Variants in PSD3 observed in about 807,000 individuals in gnomAD.
PSD3 encodes the protein PH and SEC7 domain-containing protein 3.
Under a neutral mutation model 105.5 loss-of-function variants are expected in PSD3, and 49 were observed. That is an observed-to-expected ratio of 0.46 (90% CI 0.37 to 0.59). PSD3 has a LOEUF of 0.59. Among genes scored for constraint, PSD3 ranks in the 20% least tolerant of loss-of-function variants. The pLI, the probability that PSD3 is intolerant of heterozygous loss-of-function variation, is 0.00. For synonymous variants in PSD3, 557 were observed against 457.8 expected, an observed-to-expected ratio of 1.22 and a Z score of -2.77; for missense variants, 1,561 against 1,263.8, an observed-to-expected ratio of 1.24 and a Z score of -3.57.
At chr8:18,986,484 C>G (rs1825500959) in intron 1 of PSD3, among the ~76,000 whole-genome samples, 1 of 151,294 alleles carries the variant, frequency 6.6e-6, no homozygotes, top group African/African-American at 2.4e-5. Flanking sequence ...TCAGTAAGGT[C>G]TCTCTGGCTT....
chr8:18,802,536 T>C (rs1810791859), intron 6 of PSD3, among the ~76,000 whole-genome samples: 1 of 152,202 alleles, frequency 6.6e-6, no homozygotes, highest in African/African-American at 2.4e-5. Flanking sequence ...TTTAATAAAC[T>C]ACATCAGAAT....
chr8:18,566,136 A>G (rs1191783475), intron 14 of PSD3, among the ~76,000 whole-genome samples: 3 of 152,138 alleles, frequency 2.0e-5, no homozygotes, highest in Non-Finnish European at 2.9e-5. Flanking sequence ...CTCCAAATAC[A>G]TGCTTAATTT....
chr8:18,656,422 C>G (rs1391920029), intron 9 of PSD3, among the ~76,000 whole-genome samples: 1 of 151,138 alleles, frequency 6.6e-6, no homozygotes, highest in Admixed American at 6.6e-5. Flanking sequence ...GAGTAAGATA[C>G]TTGGTAGGGG....
intron 1 of PSD3, among the ~76,000 whole-genome samples, chr8:19,027,571 A>C (rs1024518972): frequency 6.6e-6 from 1 of 152,216 alleles, no homozygotes; most frequent in African/African-American, 2.4e-5. Flanking sequence ...TGCTCCCTGC[A>C]AAGTTCCACG....
At chr8:18,753,199 A>C (rs913572468) in intron 9 of PSD3, among the ~76,000 whole-genome samples, 2 of 152,018 alleles carry the variant, frequency 1.3e-5, no homozygotes, top group Admixed American at 1.3e-4. Flanking sequence ...TACTAAACAT[A>C]CAAAAATTAG....
chr8:18,968,361 T>C (rs1464188981), intron 1 of PSD3, among the ~76,000 whole-genome samples: 1 of 152,230 alleles, frequency 6.6e-6, no homozygotes, highest in African/African-American at 2.4e-5. Flanking sequence ...AAGCAGAATG[T>C]GTATATCTAA....
At chr8:18,737,689 C>T (rs1046312985) in intron 9 of PSD3, among the ~76,000 whole-genome samples, 19 of 152,094 alleles carry the variant, frequency 1.2e-4, no homozygotes, top group Admixed American at 3.3e-4. Context: ...ATATCAGTTT[C>T]GGAGGGGAAA....
chr8:18,958,788 G>A (rs1490642406), intron 1 of PSD3, among the ~76,000 whole-genome samples: 1 of 152,054 alleles, frequency 6.6e-6, no homozygotes, highest in Non-Finnish European at 1.5e-5. Context: ...AGCAAACTAG[G>A]TATACAAAGA....
At chr8:18,634,467 C>T (rs879510209) in intron 10 of PSD3, among the ~76,000 whole-genome samples, 6 of 152,066 alleles carry the variant, frequency 3.9e-5, no homozygotes, top group South Asian at 2.1e-4. Context: ...AAAAAATTAA[C>T]GTAAGTTTAA....
intron 12 of PSD3, among the ~76,000 whole-genome samples, chr8:18,587,824 G>A (rs1239080333): frequency 1.3e-5 from 2 of 152,158 alleles, no homozygotes; most frequent in African/African-American, 2.4e-5. Context: ...CACAGTACCT[G>A]ATGTGATAAA....
chr8:18,893,303 G>A (rs574612002), intron 2 of PSD3, among the ~76,000 whole-genome samples: 1 of 152,102 alleles, frequency 6.6e-6, no homozygotes, highest in Non-Finnish European at 1.5e-5. Context: ...TACCTCCAAA[G>A]AAAAAGCAAG....
At chr8:18,676,364 G>A (rs113098481) in intron 9 of PSD3, among the ~76,000 whole-genome samples, 74 of 152,292 alleles carry the variant, frequency 4.9e-4, no homozygotes, top group African/African-American at 1.7e-3. Flanking sequence ...GGAGTGGGAC[G>A]CGGCTTCTCC....
At chr8:19,034,742 A>G (rs1827886841) in intron 1 of PSD3, among the ~76,000 whole-genome samples, 1 of 152,134 alleles carries the variant, frequency 6.6e-6, no homozygotes, top group Non-Finnish European at 1.5e-5. Context: ...AGGCCTTCAC[A>G]TCACGCTGAA....
intron 1 of PSD3, among the ~76,000 whole-genome samples, chr8:18,972,759 T>G (rs1824725842): frequency 1.3e-5 from 2 of 152,142 alleles, no homozygotes. Flanking sequence ...TCACCAAGGA[T>G]TCTAATCTCA....
At chr8:18,737,349 C>G (rs555199395) in intron 9 of PSD3, among the ~76,000 whole-genome samples, 3 of 152,118 alleles carry the variant, frequency 2.0e-5, no homozygotes, top group Non-Finnish European at 4.4e-5. Flanking sequence ...GTGCGTGTGA[C>G]GGGGTCTTAC....
intron 9 of PSD3, among the ~76,000 whole-genome samples, chr8:18,698,451 C>T (rs2131025155): frequency 6.6e-6 from 1 of 152,020 alleles, no homozygotes; most frequent in South Asian, 2.1e-4. Context: ...GTTGGAGGTT[C>T]AGAGTCAGAG....
intron 12 of PSD3, among the ~76,000 whole-genome samples, chr8:18,583,842 G>A (rs1237415298): frequency 2.0e-5 from 3 of 152,178 alleles, no homozygotes; most frequent in Middle Eastern, 3.4e-3. Context: ...TTTGGGCACC[G>A]TATCTTGCTC....
intron 11 of PSD3, among the ~76,000 whole-genome samples, chr8:18,608,382 G>A (rs185472410): frequency 6.6e-6 from 1 of 152,290 alleles, no homozygotes. Context: ...ACCAGTATGG[G>A]TGAAATTAAG....
intron 11 of PSD3, among the ~76,000 whole-genome samples, chr8:18,617,446 G>C (rs13264915): frequency 2.0e-5 from 3 of 151,898 alleles, no homozygotes; most frequent in African/African-American, 7.3e-5. Flanking sequence ...AAGGTGAATC[G>C]CTTGAACTTG....
Sources: gnomAD v4.1 joint callset for allele counts (sites outside exome capture counted in the v4.1 genomes callset) on GRCh38, gnomAD v4.1.1 for gene constraint, MANE v1.5 for transcripts, NCBI Gene and HGNC (gene_info 2026-07-23, HGNC 2026-07-21) for gene names.